FANCB: variants seen among roughly 807,000 people sequenced by gnomAD.
FANCB encodes the protein Fanconi anemia group B protein.
In FANCB, 5 loss-of-function variants were observed where a neutral mutation model predicts 38.9. The ratio of observed to expected loss-of-function variants is 0.13; its 90% CI spans 0.07 to 0.27. FANCB has a LOEUF of 0.27. Ranked by LOEUF, FANCB falls within the 10% of genes least tolerant of loss-of-function variation. FANCB has a pLI of 1.00. For missense variants in FANCB, 573 were observed against 602.7 expected (o/e 0.95, Z 0.52); for synonymous variants, 236 against 215.4 (o/e 1.10, Z -0.84).
chrX:14,860,758 T>A (rs180857766), intron 3 of FANCB, among the ~76,000 whole-genome samples: 1 of 112,429 alleles, frequency 8.9e-6, no homozygotes, highest in East Asian at 2.8e-4. Context: ...AAAAGTTGAA[T>A]AACTACATCT....
At chrX:14,868,890 G>A (rs1186712739) in intron 2 of FANCB, 33 bp downstream of exon 2, 5 of 111,217 alleles carry the variant, frequency 4.5e-5, no homozygotes, top group African/African-American at 1.6e-4. Context: ...AATAAAAACA[G>A]GTAAATAAGA....
chrX:14,742,812 T>C, the FANCB span, among the ~76,000 whole-genome samples: 1 of 112,718 alleles, frequency 8.9e-6, no homozygotes, highest in Non-Finnish European at 1.9e-5. Context: ...TACTGTTTCA[T>C]TTTGACCTAC....
chrX:14,710,401 C>T, the FANCB span, among the ~76,000 whole-genome samples: 1 of 111,899 alleles, frequency 8.9e-6, no homozygotes, highest in South Asian at 3.8e-4. Context: ...AAAGACAGGC[C>T]TCTGTGAACA....
chrX:14,751,887 C>T, the FANCB span, among the ~76,000 whole-genome samples: 2 of 111,648 alleles, frequency 1.8e-5, no homozygotes, highest in Non-Finnish European at 3.8e-5. Context: ...TCACTTTTTT[C>T]ACAGTACCCT....
chrX:14,755,947 AACAG>A, the FANCB span, among the ~76,000 whole-genome samples: 1 of 112,251 alleles, frequency 8.9e-6, no homozygotes, highest in Non-Finnish European at 1.9e-5. Flanking sequence ...CTGGCATAAA[AACAG>A]ACATATAGAC....
chrX:14,798,112 C>T, the FANCB span, among the ~76,000 whole-genome samples: 1 of 109,342 alleles, frequency 9.1e-6, no homozygotes. Flanking sequence ...ATTCAAAATG[C>T]TTTTCTTTCC....
chrX:14,757,639 G>A, the FANCB span, among the ~76,000 whole-genome samples: 1 of 111,662 alleles, frequency 9.0e-6, no homozygotes, highest in Non-Finnish European at 1.9e-5. Context: ...TTAGAGAGCC[G>A]AACAAAGTAC....
At chrX:14,793,405 G>A in the FANCB span, among the ~76,000 whole-genome samples, 1 of 112,031 alleles carries the variant, frequency 8.9e-6, no homozygotes, top group African/African-American at 3.2e-5. Flanking sequence ...AAAGGGTATA[G>A]GGTTTCTTTA....
the FANCB span, among the ~76,000 whole-genome samples, chrX:14,693,422 G>A: frequency 4.5e-5 from 5 of 111,357 alleles, no homozygotes; most frequent in Non-Finnish European, 9.4e-5. Flanking sequence ...AGGGGGATGT[G>A]ATTACTATAG....
At chrX:14,701,984 C>T in the FANCB span, among the ~76,000 whole-genome samples, 5 of 112,196 alleles carry the variant, frequency 4.5e-5, no homozygotes, top group African/African-American at 1.3e-4. Context: ...AAAGTGATGA[C>T]TGAGGACAAA....
chrX:14,834,074 T>C (rs1267015320), downstream of FANCB, among the ~76,000 whole-genome samples: 3 of 111,843 alleles, frequency 2.7e-5, no homozygotes, highest in African/African-American at 9.7e-5. Context: ...AAAACCCCCC[T>C]AAACCACATG....
intron 7 of FANCB, among the ~76,000 whole-genome samples, chrX:14,846,140 C>T (rs1291701748): frequency 9.0e-6 from 1 of 111,393 alleles, no homozygotes; most frequent in Admixed American, 9.5e-5. Flanking sequence ...GTAGGTGCAA[C>T]AGAGAATTGG....
At chrX:14,724,344 A>T in the FANCB span, among the ~76,000 whole-genome samples, 1 of 110,771 alleles carries the variant, frequency 9.0e-6, no homozygotes, top group Admixed American at 9.7e-5. Flanking sequence ...GTGAGAAATA[A>T]GCCAGGCATG....
At chrX:14,735,986 C>T in the FANCB span, among the ~76,000 whole-genome samples, 2 of 111,443 alleles carry the variant, frequency 1.8e-5, no homozygotes, top group African/African-American at 3.3e-5. Context: ...GGCTGAGGTG[C>T]GGTGGGCTCT....
rs760773732 is a variant in FANCB at position 14,864,770 on chromosome X, G to T, written c.741C>A (p.Ile247=). ...VTYVHICATE[I]IKNQLRISLI... The stretch of plus-strand genomic sequence containing the variant: ...GAGATATTCTTAACTGGTTTTTGAT[G>T]ATCTCAGTTGCACAAATATGTACAT... Residue 247 remains isoleucine, a synonymous_variant, in exon 3 of 10, where the codon ATC becomes ATA. Transcript: ENST00000650831. 3 of 1,208,249 alleles carry T rather than the reference G, an allele frequency of 2.5e-6. No individual in the cohort carries two copies. Among genetic ancestry groups the T allele is most frequent in the East Asian group, 3.0e-5 (1 of 33,776 alleles).
At chrX:14,702,782 G>A in the FANCB span, among the ~76,000 whole-genome samples, 3 of 111,731 alleles carry the variant, frequency 2.7e-5, no homozygotes, top group African/African-American at 9.8e-5. Context: ...TGACCACGCA[G>A]GCAGTAATAC....
At chrX:14,826,622 GT>G in the FANCB span, among the ~76,000 whole-genome samples, 1 of 112,193 alleles carries the variant, frequency 8.9e-6, no homozygotes, top group Non-Finnish European at 1.9e-5. Context: ...CTATTTTTAA[GT>G]TTCCTTGCCG....
At chrX:14,729,191 CAT>C in the FANCB span, among the ~76,000 whole-genome samples, 1 of 112,088 alleles carries the variant, frequency 8.9e-6, no homozygotes, top group Non-Finnish European at 1.9e-5. Context: ...TTTTGGGAAA[CAT>C]AACCATTATT....
chrX:14,847,591 A>T (rs2092382121), intron 7 of FANCB, among the ~76,000 whole-genome samples: 1 of 110,524 alleles, frequency 9.0e-6, no homozygotes, highest in South Asian at 3.8e-4. Flanking sequence ...AGAACTAAGA[A>T]TTGTTTGAAT....
Sources: gnomAD v4.1 joint callset for allele counts (sites outside exome capture counted in the v4.1 genomes callset) on GRCh38, gnomAD v4.1.1 for gene constraint, MANE v1.5 for transcripts, NCBI Gene and HGNC (gene_info 2026-07-23, HGNC 2026-07-21) for gene names.